The following CST7 variants were observed in gnomAD, a reference collection of about 807,000 sequenced individuals.
CST7 encodes cystatin-F.
In CST7, 15 loss-of-function variants were observed where a neutral mutation model predicts 13.1. That is an observed-to-expected ratio of 1.14 (90% confidence interval 0.77 to 1.76). The LOEUF (loss-of-function observed/expected upper bound fraction) is 1.76. Ranked by LOEUF, CST7 falls within the 40% of genes most tolerant of loss-of-function variation. The pLI is 0.00. For missense variants in CST7, 193 were observed against 178.8 expected, an observed-to-expected ratio of 1.08 and a Z score of -0.45; for synonymous variants, 75 against 66.9, an observed-to-expected ratio of 1.12 and a Z score of -0.59.
In CST7 at chr20:24,951,914, G is replaced by A. The variant is rs557155143; in HGVS notation, c.70+2339G>A. ...CTGCCCCCTCCACTCTAGCTGCAAC[G>A]GCCCATCTGCCTGGACAGGGGCCCT... On this transcript the variant is annotated intron_variant, in intron 1 of 3. Coordinates refer to ENST00000480798, the MANE Select transcript of CST7 (RefSeq NM_003650.4). Among the ~76,000 whole-genome samples the A allele has an allele frequency of 3.9e-5, 6 of 152,202 alleles. No homozygotes were observed. The South Asian group carries it at 8.3e-4, about 21-fold the overall frequency.
intron 1 of CST7, among the ~76,000 whole-genome samples, chr20:24,956,185 T>C (rs924817435): frequency 5.3e-5 from 8 of 152,154 alleles, no homozygotes; most frequent in Non-Finnish European, 1.2e-4. Context: ...CTCGTCATCC[T>C]GTCTACCCTT....
chr20:24,954,189 C>T (rs972809142), intron 1 of CST7, among the ~76,000 whole-genome samples: 17 of 152,196 alleles, frequency 1.1e-4, no homozygotes, highest in African/African-American at 3.9e-4. Context: ...AGTGGTGTTT[C>T]GAATTAGTCA....
Position 24,959,852 on chromosome 20 carries a change from A to T in CST7, c.*140A>T. 1 of 751,366 alleles carries T rather than the reference A, an allele frequency of 1.3e-6. No individual in the cohort carries two copies. The highest frequency in any genetic ancestry group is 2.3e-6 in the Non-Finnish European group (1 of 428,604). The allele number at this position is 751,366 out of a possible 1,614,324, so 46.5% of individuals were successfully genotyped here. A position where few individuals can be genotyped will look rare whatever the true frequency, so the allele number is the denominator to read the frequency against. On this transcript the variant is annotated 3_prime_UTR_variant, in exon 4 of 4. Coordinates refer to ENST00000480798, the MANE Select transcript of CST7 (RefSeq NM_003650.4). ...TGAGCGGGTGAAGTGCCACTGGGTC[A>T]CCGCAGGGCAGCTGGAATGGCAGCA... is the stretch of plus-strand genomic sequence containing the variant.
chr20:24,954,730 A>G (rs2087842578), intron 1 of CST7, among the ~76,000 whole-genome samples: 1 of 152,200 alleles, frequency 6.6e-6, no homozygotes, highest in Non-Finnish European at 1.5e-5. Flanking sequence ...CTTTACCACA[A>G]TCTTTTAGGA....
Position 24,949,275 on chromosome 20 carries a change from C to T in CST7, c.-231C>T, listed in dbSNP as rs111568714. Reference sequence around the variant, plus strand: ...CCCTGGGCTGGGACAGCCCACTGTTCCATGCTGCCCAAGAAGGCTCAGCAC... The same window carrying T: ...CCCTGGGCTGGGACAGCCCACTGTTTCATGCTGCCCAAGAAGGCTCAGCAC... On this transcript the variant is annotated 5_prime_UTR_variant, in exon 1 of 4. Transcript: ENST00000480798. 9,633 of 1,330,738 alleles carry T rather than the reference C, an allele frequency of 7.2e-3. 66 individuals carry two copies. The highest frequency in any genetic ancestry group is 0.016 in the Middle Eastern group (58 of 3,602). 82.4% of individuals were successfully genotyped at this position (1,330,738 alleles called of 1,614,324 possible).
At chr20:24,952,602 C>T (rs543584004) in intron 1 of CST7, among the ~76,000 whole-genome samples, 1 of 152,356 alleles carries the variant, frequency 6.6e-6, no homozygotes, top group African/African-American at 2.4e-5. Context: ...TGCACCCCCC[C>T]AACACCCCAG....
chr20:24,956,832 G>A (rs948568969), intron 1 of CST7, among the ~76,000 whole-genome samples: 6 of 151,882 alleles, frequency 4.0e-5, no homozygotes, highest in East Asian at 2.0e-4. Flanking sequence ...GCTACATCCC[G>A]TACTGAGGAT....
intron 1 of CST7, among the ~76,000 whole-genome samples, chr20:24,954,218 C>G (rs566881740): frequency 2.0e-5 from 3 of 152,214 alleles, no homozygotes; most frequent in South Asian, 2.1e-4. Flanking sequence ...TTTAGCCCCC[C>G]ACCCTGCACT....
In CST7 at chr20:24,957,384, T is replaced by G. The variant is rs1433292750; in HGVS notation, c.168T>G (p.Ser56Arg). The change falls in exon 2 of 4, where the codon AGT becomes AGG. Residue 56 changes from serine to arginine, a missense_variant. By Grantham distance (110) the Ser-to-Arg change is moderately radical. Transcript: ENST00000480798. ...GAGTCCTCCAAGCAGCCAGATACAG[T>G]GTTGAAAAGTTCAACAACTGCACGA... ...DPGVLQAARY[S>R]VEKFNNCTND... The G allele has an allele frequency of 6.2e-7, 1 of 1,613,762 alleles. No homozygotes were observed. Among genetic ancestry groups the G allele is most frequent in the Admixed American group, 1.7e-5 (1 of 60,000 alleles).
chr20:24,959,194 T>C lies in CST7; in HGVS notation c.360+150T>C, dbSNP rs11905200. 1,283 of 663,964 alleles carry C rather than the reference T, an allele frequency of 1.9e-3. 18 individuals are homozygous for C. The African/African-American group carries it at 0.021, about 11-fold the overall frequency. The allele number at this position is 663,964 out of a possible 1,614,324, so 41.1% of individuals were successfully genotyped here. ...CAGGCCTCCCAGACTCCCGCACGAC[T>C]GAGGATCCGGGAGAACAGGAGGTAG... On this transcript the variant is annotated intron_variant, in intron 3 of 3. Transcript: ENST00000480798.
At chr20:24,955,112 T>TGAACACATGCTACCCCTTCCAC (rs2087845191) in intron 1 of CST7, among the ~76,000 whole-genome samples, 1 of 151,996 alleles carries the variant, frequency 6.6e-6, no homozygotes, top group Non-Finnish European at 1.5e-5. Flanking sequence ...ACCCCTTCCA[T>TGAACACATGCTACCCCTTCCAC]ACACGTGTCT....
In CST7 at chr20:24,956,537, AG is replaced by A. The variant is rs539096204; in HGVS notation, c.71-748del. 6.8e-3 allele frequency among the ~76,000 whole-genome samples: 1,038 copies of A among 152,260 alleles called. 11 individuals carry two copies. The highest frequency in any genetic ancestry group is 0.024 in the African/African-American group (992 of 41,546). ...ATCCAAATATAGCCCTCCTTGGTAC[AG>A]GAAGGGCAGGCCTCCCCGACCCCAA... On this transcript the variant is annotated intron_variant, in intron 1 of 3. Transcript: ENST00000480798.
In CST7 at chr20:24,959,676, C is replaced by A. The variant is rs764300309; in HGVS notation, c.402C>A (p.Leu134=). The A allele has an allele frequency of 1.2e-6, 2 of 1,614,112 alleles. No homozygotes were observed. Among genetic ancestry groups the A allele is most frequent in the East Asian group, 4.5e-5 (2 of 44,864 alleles). ...CTGAAGTCTGGGTCGTGCCCTGGCTCCAGCACTTCGAGGTGCCTGTTCTCC... is the reference window on the plus strand; with the variant it reads ...CTGAAGTCTGGGTCGTGCCCTGGCTACAGCACTTCGAGGTGCCTGTTCTCC... ...CYSEVWVVPW[L]QHFEVPVLRC... Residue 134 remains leucine, a synonymous_variant, in exon 4 of 4, where the codon CTC becomes CTA. Coordinates refer to ENST00000480798, the MANE Select transcript of CST7 (RefSeq NM_003650.4).
In CST7 at chr20:24,959,680, C is replaced by A; in HGVS notation, c.406C>A (p.His136Asn). The change falls in exon 4 of 4, where the codon CAC becomes AAC. Residue 136 changes from histidine to asparagine, a missense_variant. Transcript: ENST00000480798. Reference sequence around the variant, plus strand: ...AGTCTGGGTCGTGCCCTGGCTCCAGCACTTCGAGGTGCCTGTTCTCCGTTG... The same window carrying A: ...AGTCTGGGTCGTGCCCTGGCTCCAGAACTTCGAGGTGCCTGTTCTCCGTTG... ...SEVWVVPWLQ[H>N]FEVPVLRCH 2 of 1,614,122 alleles carry A rather than the reference C, an allele frequency of 1.2e-6. No individual in the cohort carries two copies.
intron 1 of CST7, among the ~76,000 whole-genome samples, chr20:24,954,912 T>A (rs1436767204): frequency 6.6e-6 from 1 of 152,184 alleles, no homozygotes; most frequent in Non-Finnish European, 1.5e-5. Context: ...TTTGTTATGC[T>A]CCTCTGTATT....
rs1207129461 is a variant in CST7, at chr20:24,949,549, T to C, written c.44T>C (p.Leu15Ser). 2 of 1,614,134 alleles carry C rather than the reference T, an allele frequency of 1.2e-6. No individual in the cohort carries two copies. The highest frequency in any genetic ancestry group is 3.3e-5 in the Admixed American group (2 of 60,024). The change falls in exon 1 of 4, where the codon TTG becomes TCG. Residue 15 changes from leucine (L) to serine (S), a missense_variant. Transcript: ENST00000480798. ...CTGCTGGCCTTCTGCTGCCTGGTCT[T>C]GAGCACCACTGGGGGCCCTTCCCCA... Reference protein sequence around the residue: ...GTLLAFCCLVLSTTGGPSPDT... With the variant: ...GTLLAFCCLVSSTTGGPSPDT...
rs113475360 is a variant in CST7, at chr20:24,959,781, C to T, written c.*69C>T. ...ATGCATGCTCCTTGTCCCCTCCCAC[C>T]CGCCTCATGACCCAGCCTCACAGAC... is the stretch of plus-strand genomic sequence containing the variant. On this transcript the variant is annotated 3_prime_UTR_variant, in exon 4 of 4. Coordinates refer to ENST00000480798, the MANE Select transcript of CST7 (RefSeq NM_003650.4). 2,388 of 1,489,832 alleles carry T rather than the reference C, an allele frequency of 1.6e-3. 32 individuals are homozygous for T. The African/African-American group carries it at 0.029, about 18-fold the overall frequency. The allele number at this position is 1,489,832 out of a possible 1,614,324, so 92.3% of individuals were successfully genotyped here. A position where few individuals can be genotyped will look rare whatever the true frequency, so the allele number is the denominator to read the frequency against.
intron 1 of CST7, among the ~76,000 whole-genome samples, chr20:24,955,780 A>G (rs1173623751): frequency 6.6e-6 from 1 of 151,998 alleles, no homozygotes; most frequent in Non-Finnish European, 1.5e-5. Flanking sequence ...TTCAGGGGGG[A>G]TGTGTGTGAC....
At chr20:24,952,816 G>C (rs1189145977) in intron 1 of CST7, among the ~76,000 whole-genome samples, 1 of 152,224 alleles carries the variant, frequency 6.6e-6, no homozygotes, top group African/African-American at 2.4e-5. Context: ...TCACAAGCAG[G>C]GGCTTCCCAA....
Sources: gnomAD v4.1 joint callset for allele counts (sites outside exome capture counted in the v4.1 genomes callset) on GRCh38, gnomAD v4.1.1 for gene constraint, MANE v1.5 for transcripts, NCBI Gene and HGNC (gene_info 2026-07-23, HGNC 2026-07-21) for gene names.